SMOC1: variants seen among roughly 807,000 people sequenced by gnomAD.
SMOC1 encodes the protein SPARC-related modular calcium-binding protein 1.
SMOC1 carries 22 observed loss-of-function variants against 56.3 expected under a neutral mutation model. The ratio of observed to expected loss-of-function variants is 0.39; its 90% CI spans 0.28 to 0.56. The LOEUF is 0.56. Ranked by LOEUF, SMOC1 falls within the 20% of genes least tolerant of loss-of-function variation. The pLI is 0.61. For synonymous variants in SMOC1, 193 were observed against 215.0 expected, an observed-to-expected ratio of 0.90 and a Z score of 0.89; for missense variants, 509 against 565.4, an observed-to-expected ratio of 0.90 and a Z score of 1.01.
intron 7 of SMOC1, among the ~76,000 whole-genome samples, chr14:70,009,990 G>T (rs1335234265): frequency 6.6e-6 from 1 of 152,222 alleles, no homozygotes; most frequent in African/African-American, 2.4e-5. Flanking sequence ...CCTGGAGCTG[G>T]CCATGCTGGA....
intron 1 of SMOC1, among the ~76,000 whole-genome samples, chr14:69,883,619 T>C (rs1048643900): frequency 6.6e-6 from 1 of 152,230 alleles, no homozygotes; most frequent in African/African-American, 2.4e-5. Flanking sequence ...AACATACTGA[T>C]TTCATTTCCT....
intron 1 of SMOC1, among the ~76,000 whole-genome samples, chr14:69,934,732 C>G (rs115387844): frequency 2.6e-5 from 4 of 152,174 alleles, no homozygotes; most frequent in African/African-American, 9.7e-5. Flanking sequence ...TGAGCCTTTA[C>G]GTAGTCCAAG....
chr14:70,021,473 G>C (rs1293441831), intron 10 of SMOC1, among the ~76,000 whole-genome samples: 1 of 152,180 alleles, frequency 6.6e-6, no homozygotes, highest in African/African-American at 2.4e-5. Context: ...TCCTGAGCCT[G>C]GTTTCCATGA....
intron 1 of SMOC1, among the ~76,000 whole-genome samples, chr14:69,942,819 G>A (rs1882614183): frequency 6.6e-6 from 1 of 152,212 alleles, no homozygotes; most frequent in African/African-American, 2.4e-5. Context: ...GACAGACTCT[G>A]TGTGGATTGG....
At chr14:69,951,190 A>C (rs1042512297) in intron 1 of SMOC1, among the ~76,000 whole-genome samples, 1 of 152,148 alleles carries the variant, frequency 6.6e-6, no homozygotes, top group Non-Finnish European at 1.5e-5. Context: ...CTCAAGAGTG[A>C]TTATTACAAG....
At chr14:70,028,992 T>C (rs565162695) in intron 11 of SMOC1, among the ~76,000 whole-genome samples, 8 of 152,228 alleles carry the variant, frequency 5.3e-5, no homozygotes, top group Admixed American at 2.6e-4. Flanking sequence ...CTCCATGAAT[T>C]CAGTGGATCC....
At chr14:69,989,421 T>C (rs1884484420) in intron 5 of SMOC1, among the ~76,000 whole-genome samples, 1 of 152,268 alleles carries the variant, frequency 6.6e-6, no homozygotes, top group Admixed American at 6.5e-5. Context: ...TTATTTTCAA[T>C]TTAAAAACTT....
intron 1 of SMOC1, among the ~76,000 whole-genome samples, chr14:69,918,232 A>AT (rs571675140): frequency 0.069 from 10,097 of 145,980 alleles, 535 homozygotes; most frequent in African/African-American, 0.14. Context: ...ATATATATAT[A>AT]TATATTTTTT....
At chr14:70,000,573 C>T (rs56031625) in intron 7 of SMOC1, among the ~76,000 whole-genome samples, 1 of 152,030 alleles carries the variant, frequency 6.6e-6, no homozygotes, top group African/African-American at 2.4e-5. Context: ...TGAGCGGGTG[C>T]GAGTCAGTGA....
chr14:69,967,934 C>A (rs1883629409), intron 3 of SMOC1, among the ~76,000 whole-genome samples: 1 of 152,178 alleles, frequency 6.6e-6, no homozygotes, highest in Non-Finnish European at 1.5e-5. Context: ...GCTAGACAGA[C>A]CAAAAGAATT....
chr14:69,948,636 TCA>T (rs1420865970), intron 1 of SMOC1, among the ~76,000 whole-genome samples: 3 of 152,180 alleles, frequency 2.0e-5, no homozygotes, highest in African/African-American at 7.2e-5. Flanking sequence ...CTAGGCAACC[TCA>T]GTGGGTTTGA....
At chr14:69,891,037 G>A (rs1371233593) in intron 1 of SMOC1, among the ~76,000 whole-genome samples, 2 of 152,178 alleles carry the variant, frequency 1.3e-5, no homozygotes, top group African/African-American at 4.8e-5. Flanking sequence ...ACACAGTACT[G>A]AAAATGACTA....
At chr14:69,967,215 T>A (rs1052548170) in intron 3 of SMOC1, among the ~76,000 whole-genome samples, 9 of 152,330 alleles carry the variant, frequency 5.9e-5, no homozygotes, top group African/African-American at 2.2e-4. Context: ...CTTTCCTGCA[T>A]CTCCTCTTAA....
At chr14:70,001,499 G>A (rs1884968404) in intron 7 of SMOC1, among the ~76,000 whole-genome samples, 1 of 152,170 alleles carries the variant, frequency 6.6e-6, no homozygotes, top group Non-Finnish European at 1.5e-5. Context: ...AAAGCAGATA[G>A]ACTCTTAGCT....
chr14:69,898,075 C>G (rs1287958709), intron 1 of SMOC1, among the ~76,000 whole-genome samples: 1 of 152,114 alleles, frequency 6.6e-6, no homozygotes, highest in African/African-American at 2.4e-5. Flanking sequence ...GATGACTTTT[C>G]CCCTCAACAT....
chr14:69,972,702 T>A (rs914923798), intron 3 of SMOC1, among the ~76,000 whole-genome samples: 3 of 152,168 alleles, frequency 2.0e-5, no homozygotes, highest in African/African-American at 7.2e-5. Flanking sequence ...TCAGTGAGAA[T>A]GTGGCCCTTG....
chr14:69,953,151 T>TG (rs144629619), intron 2 of SMOC1, among the ~76,000 whole-genome samples: 13,308 of 151,586 alleles, frequency 0.088, 1,380 homozygotes, highest in African/African-American at 0.25. Context: ...ACTAAAACAT[T>TG]TTTTTTTCTA....
At chr14:70,015,125 A>G (rs1395587166) in intron 10 of SMOC1, among the ~76,000 whole-genome samples, 1 of 152,236 alleles carries the variant, frequency 6.6e-6, no homozygotes, top group Admixed American at 6.5e-5. Context: ...AGTAATATTC[A>G]GTCTTAAAAG....
Position 69,879,711 on chromosome 14 carries a change from G to T in SMOC1, c.33G>T (p.Thr11=). The change falls in exon 1 of 12, where the codon ACG becomes ACT. Residue 11 remains threonine (T), a synonymous_variant. Transcript: ENST00000361956. Reference sequence around the variant, plus strand: ...CCGCGCGCTGCGCCCGCCTGCTCACGCCCCACTTGCTGCTGGTGTTGGTGC... The same window carrying T: ...CCGCGCGCTGCGCCCGCCTGCTCACTCCCCACTTGCTGCTGGTGTTGGTGC... MLPARCARLL[T]PHLLLVLVQL... The T allele has an allele frequency of 1.3e-6, 2 of 1,587,036 alleles. No homozygotes were observed. The highest frequency in any genetic ancestry group is 1.7e-6 in the Non-Finnish European group (2 of 1,174,566).
Sources: gnomAD v4.1 joint callset for allele counts (sites outside exome capture counted in the v4.1 genomes callset) on GRCh38, gnomAD v4.1.1 for gene constraint, MANE v1.5 for transcripts, NCBI Gene and HGNC (gene_info 2026-07-23, HGNC 2026-07-21) for gene names.